Variants in HEXA observed in about 807,000 individuals in gnomAD.
The protein encoded by HEXA is hexosaminidase subunit alpha, also known as beta-hexosaminidase subunit alpha.
Under a neutral mutation model 73.3 loss-of-function variants are expected in HEXA, and 54 were observed. The observed-to-expected ratio is 0.74, with a 90% CI of 0.59 to 0.92. HEXA has a LOEUF of 0.92. HEXA is among the 40% of genes least tolerant of loss of function. The pLI, the probability that HEXA is intolerant of heterozygous loss-of-function variation, is 0.00. For missense variants in HEXA, 649 were observed against 653.0 expected (o/e 0.99, Z 0.07); for synonymous variants, 230 against 246.9 (o/e 0.93, Z 0.64).
chr15:72,346,693 G>C lies in HEXA; in HGVS notation c.1164C>G (p.Ile388Met), dbSNP rs760153692. ...GAATATCCTCTCGCCACACCTGTAT[G>C]ATTGTGTCTGGCTGAATCTGTTATA... The part of the protein sequence containing the change: ...DNKVKIQPDT[I>M]IQVWREDIPV... Residue 388 changes from isoleucine to methionine, a missense_variant, in exon 11 of 14, where the codon ATC becomes ATG. Transcript: ENST00000268097. 139 of 1,613,998 alleles carry C rather than the reference G, an allele frequency of 8.6e-5. No homozygotes were observed. The highest frequency in any genetic ancestry group is 1.1e-4 in the Non-Finnish European group (125 of 1,180,020).
In HEXA at chr15:72,355,899, G is replaced by T. The variant is rs1228735932; in HGVS notation, c.347-275C>A. 5.5e-6 allele frequency: 3 copies of T among 545,460 alleles called. No individual in the cohort carries two copies. The East Asian group carries it at 1.3e-4, about 24-fold the overall frequency. 33.8% of individuals were successfully genotyped at this position (545,460 alleles called of 1,614,324 possible). The stretch of plus-strand genomic sequence containing the variant: ...AGGCTGGAGTGGAGGTCTGTACAAA[G>T]CACCACCTACCTCATGGGTCAGTTT... On this transcript the variant is annotated intron_variant, in intron 2 of 13. Coordinates refer to ENST00000268097, the MANE Select transcript of HEXA (RefSeq NM_000520.6).
In HEXA at chr15:72,343,993, GC is replaced by G. The variant is rs1251937417; in HGVS notation, c.*83del. On this transcript the variant is annotated 3_prime_UTR_variant, in exon 14 of 14. Transcript: ENST00000268097. ...CAGGCAAGGGGCACGAAGGCAAGGG[GC>G]TCCGTCCCCTGGCCAGGATGCAGTG... is the stretch of plus-strand genomic sequence containing the variant. The G allele has an allele frequency of 8.4e-7, 1 of 1,196,874 alleles. No homozygotes were observed. The highest frequency in any genetic ancestry group is 2.3e-5 in the East Asian group (1 of 42,794). The allele number at this position is 1,196,874 out of a possible 1,614,324, so 74.1% of individuals were successfully genotyped here.
chr15:72,353,909 C>T (rs1233554479), intron 3 of HEXA, 172 bp from the exon 4 acceptor site: 1 of 670,090 alleles, frequency 1.5e-6, no homozygotes, highest in Non-Finnish European at 2.7e-6. Context: ...TAGGAAGCCA[C>T]TATCCATCTT....
intron 1 of HEXA, among the ~76,000 whole-genome samples, chr15:72,364,976 C>A (rs2088897619): frequency 6.6e-6 from 1 of 152,056 alleles, no homozygotes; most frequent in South Asian, 2.1e-4. Flanking sequence ...CGTGCACCAG[C>A]ATGTCAGGCT....
rs555620598 is a variant in HEXA at position 72,343,653 on chromosome 15, T to G, written c.*424A>C. 2.2e-4 allele frequency: 55 copies of G among 250,956 alleles called. No individual in the cohort carries two copies. The highest frequency in any genetic ancestry group is 1.2e-3 in the African/African-American group (55 of 45,234). The allele number at this position is 250,956 out of a possible 1,614,324, so 15.5% of individuals were successfully genotyped here. The stretch of plus-strand genomic sequence containing the variant: ...TCCATATACCAACGCCTTGGAGATA[T>G]AATGCAGAAGTGAAGTGAGCAGGCT... On this transcript the variant is annotated 3_prime_UTR_variant, in exon 14 of 14. Coordinates refer to ENST00000268097, the MANE Select transcript of HEXA (RefSeq NM_000520.6).
Position 72,375,740 on chromosome 15 carries a change from C to T in HEXA, c.233G>A (p.Trp78Ter), listed in dbSNP as rs769035623. 9.9e-6 allele frequency: 16 copies of T among 1,614,042 alleles called. No individual in the cohort carries two copies. Among genetic ancestry groups the T allele is most frequent in the Non-Finnish European group, 1.3e-5 (15 of 1,180,038 alleles). The change falls in exon 1 of 14, where the codon TGG becomes TAG. Residue 78 changes from tryptophan (W) to a stop codon, truncating the protein, a stop_gained. Coordinates refer to ENST00000268097, the MANE Select transcript of HEXA (RefSeq NM_000520.6). LOFTEE classifies it high-confidence loss of function. Reference protein sequence around the residue: ...YRDLLFGSGSWPRPYLTGKRH... With the variant: ...YRDLLFGSGS ...CTCACCTGTGAGGTAAGGACGGGGC[C>T]AAGACCCGGAACCGAAAAGCAGGTC... is the stretch of plus-strand genomic sequence containing the variant.
chr15:72,347,661 T>G (rs778075520), intron 10 of HEXA, 25 bp downstream of exon 10: 2 of 1,603,254 alleles, frequency 1.2e-6, no homozygotes, highest in African/African-American at 1.3e-5. Flanking sequence ...GCTGGTGGCT[T>G]CTTCTCTTCT....
chr15:72,372,861 G>GCT (rs1243381344), intron 1 of HEXA, among the ~76,000 whole-genome samples: 1 of 152,220 alleles, frequency 6.6e-6, no homozygotes, highest in Non-Finnish European at 1.5e-5. Flanking sequence ...TGGTCAGGTG[G>GCT]CTCATTCCAC....
rs771004345 is a variant in HEXA at position 72,350,532 on chromosome 15, A to G, written c.791T>C (p.Leu264Ser). Reference protein sequence around the residue: ...LAEFDTPGHTLSWGPGIPGLL... With the variant: ...LAEFDTPGHTSSWGPGIPGLL... ...ATCATTCTTACCTGGTCCCCAGGAC[A>G]AAGTGTGGCCAGGAGTGTCAAACTC... Residue 264 changes from leucine (L) to serine (S), a missense_variant, in exon 7 of 14, where the codon TTG (leucine) becomes TCG (serine). By Grantham distance (145) the Leu-to-Ser change is moderately radical (BLOSUM62 -2). Coordinates refer to ENST00000268097, the MANE Select transcript of HEXA (RefSeq NM_000520.6). 1.2e-6 allele frequency: 2 copies of G among 1,614,120 alleles called. No homozygotes were observed. Among genetic ancestry groups the G allele is most frequent in the Non-Finnish European group, 1.7e-6 (2 of 1,180,024 alleles).
chr15:72,345,375 C>G, intron 13 of HEXA, 71 bp downstream of exon 13: 3 of 1,600,898 alleles, frequency 1.9e-6, no homozygotes, highest in South Asian at 1.1e-5. Flanking sequence ...TATTGTCTTC[C>G]TCTCTCTAAG....
At chr15:72,350,220 TCA>T (rs2088676923) in intron 7 of HEXA, 1 of 423,988 alleles carries the variant, frequency 2.4e-6, no homozygotes, top group Non-Finnish European at 4.4e-6. Flanking sequence ...CTTCTTTCTT[TCA>T]GATTCTACCC....
At chr15:72,358,573 A>C (rs944411723) in intron 1 of HEXA, 1 of 152,184 alleles carries the variant, frequency 6.6e-6, no homozygotes, top group Non-Finnish European at 1.5e-5. Context: ...ATAGGAAAAC[A>C]CTTTTTTTCC....
intron 1 of HEXA, among the ~76,000 whole-genome samples, chr15:72,363,557 G>T (rs1005501410): frequency 1.3e-5 from 2 of 152,168 alleles, no homozygotes; most frequent in African/African-American, 4.8e-5. Flanking sequence ...GAAGCCGACT[G>T]CCCTGAGCTG....
At chr15:72,356,787 C>A in intron 1 of HEXA, 170 bp from the exon 2 acceptor site, 1 of 975,482 alleles carries the variant, frequency 1.0e-6, no homozygotes, top group Non-Finnish European at 1.6e-6. Context: ...AGCTGTCTCA[C>A]TCTCGTTGTG....
chr15:72,345,272 A>AT (rs545914869), intron 13 of HEXA, 174 bp downstream of exon 13: 17,554 of 1,099,814 alleles, frequency 0.016, 3 homozygotes, highest in Non-Finnish European at 0.017. Context: ...TTTTTGTTGT[A>AT]TTTTTTTTTT....
intron 1 of HEXA, chr15:72,370,095 T>C (rs2088969343): frequency 2.0e-5 from 1 of 49,076 alleles, no homozygotes; most frequent in Non-Finnish European, 6.8e-5. Flanking sequence ...GCAGGCAGAG[T>C]TAAAAAAAAA....
At chr15:72,346,944 G>A (rs1022774152) in intron 10 of HEXA, 8 of 553,200 alleles carry the variant, frequency 1.4e-5, no homozygotes, top group African/African-American at 1.1e-4. Flanking sequence ...CAGCCTCCCT[G>A]TCCACACAGA....
At chr15:72,345,246 T>G in intron 13 of HEXA, 200 bp downstream of exon 13, 1 of 999,444 alleles carries the variant, frequency 1.0e-6, no homozygotes, top group Non-Finnish European at 1.4e-6. Flanking sequence ...TATACAGTAT[T>G]TTTTATTTGT....
intron 6 of HEXA, 172 bp downstream of exon 6, chr15:72,350,961 C>A: frequency 1.5e-6 from 1 of 667,692 alleles, no homozygotes; most frequent in Middle Eastern, 2.8e-4. Flanking sequence ...GGCAAATTAT[C>A]GGCAAAGTTT....
Sources: gnomAD v4.1 joint callset for allele counts (sites outside exome capture counted in the v4.1 genomes callset) on GRCh38, gnomAD v4.1.1 for gene constraint, MANE v1.5 for transcripts, NCBI Gene and HGNC (gene_info 2026-07-23, HGNC 2026-07-21) for gene names.